RASA1: variants seen among roughly 807,000 people sequenced by gnomAD.
RASA1 encodes ras GTPase-activating protein 1.
RASA1 carries 25 observed loss-of-function variants against 132.2 expected under a neutral mutation model. The observed-to-expected ratio is 0.19, with a 90% confidence interval of 0.14 to 0.26. The LOEUF is 0.26. Among genes scored for constraint, RASA1 ranks in the 10% least tolerant of loss-of-function variants. The probability of loss-of-function intolerance (pLI) is 1.00; values close to 1 mark genes in which losing one functional copy is unlikely to be tolerated. For missense variants in RASA1, 964 were observed against 1,299.2 expected (o/e 0.74, Z 3.97); for synonymous variants, 477 against 449.9 (o/e 1.06, Z -0.76).
chr5:87,307,385 C>G lies in RASA1; in HGVS notation c.540-23963C>G, dbSNP rs542683983. ...CTGAGGCAGGAGAATGGCGTCAACC[C>G]GGGAGGCGGAGCTTGCAGTGAGCCG... On this transcript the variant is annotated intron_variant, in intron 1 of 24. Transcript: ENST00000274376. Among the ~76,000 whole-genome samples, 10 of 152,040 alleles carry G rather than the reference C, an allele frequency of 6.6e-5. No homozygotes were observed. In the East Asian group the frequency reaches 1.5e-3, roughly 24 times the overall value.
intron 17 of RASA1, 36 bp downstream of exon 17, chr5:87,377,076 TG>T: frequency 6.3e-7 from 1 of 1,586,684 alleles, no homozygotes. Context: ...TACAAGAAAC[TG>T]GGTTTAGATT....
At chr5:87,269,136 A>C in intron 1 of RASA1, 146 bp downstream of exon 1, 1 of 1,613,366 alleles carries the variant, frequency 6.2e-7, no homozygotes, top group South Asian at 1.1e-5. Flanking sequence ...TAGGAATTTA[A>C]TCTGATCACT....
At chr5:87,384,750 AG>A (rs918242296) in intron 21 of RASA1, among the ~76,000 whole-genome samples, 3 of 152,168 alleles carry the variant, frequency 2.0e-5, no homozygotes, top group African/African-American at 7.2e-5. Flanking sequence ...TGTGTTCCAC[AG>A]GGAAGTGCTT....
At chr5:87,346,347 A>G (rs889953779) in intron 6 of RASA1, among the ~76,000 whole-genome samples, 1 of 151,460 alleles carries the variant, frequency 6.6e-6, no homozygotes, top group Non-Finnish European at 1.5e-5. Flanking sequence ...TATCTGTACT[A>G]CTCCTCCTTC....
At position 87,391,068 on chromosome 5, in the gene RASA1, A is replaced by G. The variant is rs2112531228; in HGVS notation, c.*185A>G. ...AACTATGCCAGCAACCTTGTAAGCT[A>G]TCTGTGCAGGATATTTGCACTATTT... On this transcript the variant is annotated 3_prime_UTR_variant, in exon 25 of 25. Coordinates refer to ENST00000274376, the MANE Select transcript of RASA1 (RefSeq NM_002890.3). 1 of 684,682 alleles carries G rather than the reference A, an allele frequency of 1.5e-6. No individual in the cohort carries two copies. Among genetic ancestry groups the G allele is most frequent in the South Asian group, 1.6e-5 (1 of 60,696 alleles). 42.4% of individuals were successfully genotyped at this position (684,682 alleles called of 1,614,324 possible).
At chr5:87,324,664 C>A (rs1161448019) in intron 1 of RASA1, among the ~76,000 whole-genome samples, 1 of 152,154 alleles carries the variant, frequency 6.6e-6, no homozygotes, top group African/African-American at 2.4e-5. Context: ...TGCACACACA[C>A]ATACATATGC....
intron 6 of RASA1, among the ~76,000 whole-genome samples, chr5:87,345,832 TC>T (rs890034810): frequency 1.3e-5 from 2 of 152,046 alleles, no homozygotes; most frequent in African/African-American, 4.8e-5. Flanking sequence ...CCTAAGAAGA[TC>T]CCACAAAGTA....
chr5:87,363,462 G>A lies in RASA1; in HGVS notation c.1568G>A (p.Ser523Asn). 4 of 1,612,610 alleles carry A rather than the reference G, an allele frequency of 2.5e-6. No individual in the cohort carries two copies. Among genetic ancestry groups the A allele is most frequent in the Non-Finnish European group, 3.4e-6 (4 of 1,178,908 alleles). The change falls in exon 11 of 25, where the codon AGT becomes AAT. Residue 523 changes from serine to asparagine, a missense_variant. Ser to Asn is a conservative substitution (Grantham distance 46, BLOSUM62 1). Around this residue, in one of 6 missense-constraint regions of RASA1, gnomAD observed 346 missense variants for 520.1 expected, o/e 0.67. Coordinates refer to ENST00000274376, the MANE Select transcript of RASA1 (RefSeq NM_002890.3). ...AAACCAAAAGGATTAATAGATCTCA[G>A]TGTATGTTCTGTCTATGTCGTTCAT... is the stretch of plus-strand genomic sequence containing the variant. Reference protein sequence around the residue: ...ATKPKGLIDLSVCSVYVVHDS... With the variant: ...ATKPKGLIDLNVCSVYVVHDS...
rs1180493926 is a variant in RASA1 at position 87,332,567 on chromosome 5, C to A, written c.753C>A (p.Asp251Glu). The change falls in exon 3 of 25, where the codon GAC becomes GAA. Residue 251 changes from aspartate to glutamate, a missense_variant. Physicochemically the swap from Asp to Glu is conservative, Grantham distance 45. Transcript: ENST00000274376. ...IGGRRFSSLS[D>E]LIGYYSHVSC... ...GAAGACGTTTTTCTTCACTGTCAGA[C>A]CTAATAGGTTATTACAGTCATGTTT... 4.4e-6 allele frequency: 7 copies of A among 1,607,236 alleles called. No homozygotes were observed. Among genetic ancestry groups the A allele is most frequent in the Non-Finnish European group, 6.0e-6 (7 of 1,174,374 alleles).
At chr5:87,325,205 G>C (rs377576929) in intron 1 of RASA1, among the ~76,000 whole-genome samples, 2 of 152,250 alleles carry the variant, frequency 1.3e-5, no homozygotes, top group African/African-American at 4.8e-5. Context: ...ATTAGATCTC[G>C]TGAGAACTCA....
At chr5:87,385,860 T>C (rs1232862930) in intron 22 of RASA1, among the ~76,000 whole-genome samples, 1 of 152,076 alleles carries the variant, frequency 6.6e-6, no homozygotes, top group Non-Finnish European at 1.5e-5. Flanking sequence ...TATGTGGAAA[T>C]AGATAACTCT....
At chr5:87,380,227 A>G (rs1484783862) in intron 19 of RASA1, among the ~76,000 whole-genome samples, 3 of 152,144 alleles carry the variant, frequency 2.0e-5, no homozygotes, top group African/African-American at 7.2e-5. Flanking sequence ...GTAGAAGTTA[A>G]CTTAAGTCTA....
Position 87,333,439 on chromosome 5 carries a change from A to G in RASA1, c.899+102A>G, listed in dbSNP as rs543041747. On this transcript the variant is annotated intron_variant, in intron 4 of 24. Transcript: ENST00000274376. ...AGCTTTTGAAATTTGAAGAAATGGCATACAGCAAGGTGAAAGAGCTTTTGA... is the reference window on the plus strand; with the variant it reads ...AGCTTTTGAAATTTGAAGAAATGGCGTACAGCAAGGTGAAAGAGCTTTTGA... 1.7e-5 allele frequency: 26 copies of G among 1,535,194 alleles called. No individual in the cohort carries two copies. In the East Asian group the frequency reaches 4.7e-4, roughly 28 times the overall value.
chr5:87,306,968 C>T (rs1218408237), intron 1 of RASA1, among the ~76,000 whole-genome samples: 1 of 152,178 alleles, frequency 6.6e-6, no homozygotes, highest in Non-Finnish European at 1.5e-5. Flanking sequence ...AAGCAGTCCT[C>T]TTGCCTCAGC....
At chr5:87,309,928 A>C (rs1755795227) in intron 1 of RASA1, among the ~76,000 whole-genome samples, 1 of 152,056 alleles carries the variant, frequency 6.6e-6, no homozygotes, top group Non-Finnish European at 1.5e-5. Flanking sequence ...TTATACATTA[A>C]ATTTTTATAT....
At chr5:87,292,259 TTTC>T (rs1378517830) in intron 1 of RASA1, among the ~76,000 whole-genome samples, 1 of 152,098 alleles carries the variant, frequency 6.6e-6, no homozygotes, top group Admixed American at 6.5e-5. Context: ...GTCATTAGAT[TTTC>T]TTTTTTGTTA....
intron 9 of RASA1, among the ~76,000 whole-genome samples, chr5:87,358,072 T>C (rs1759788652): frequency 6.6e-6 from 1 of 152,162 alleles, no homozygotes. Flanking sequence ...TACTATCTTT[T>C]TACTAATCGC....
chr5:87,296,777 T>G (rs971450841), intron 1 of RASA1, among the ~76,000 whole-genome samples: 1 of 152,130 alleles, frequency 6.6e-6, no homozygotes, highest in Non-Finnish European at 1.5e-5. Flanking sequence ...TTTTAAAAAT[T>G]ATTTTTAGGT....
intron 16 of RASA1, 24 bp from the exon 17 acceptor site, chr5:87,376,857 C>G: frequency 6.4e-7 from 1 of 1,569,586 alleles, no homozygotes; most frequent in South Asian, 1.1e-5. Flanking sequence ...GTACTTTAAA[C>G]AATCTTTTAA....
Sources: allele counts gnomAD v4.1 joint callset (sites outside exome capture counted in the v4.1 genomes callset), GRCh38; gene constraint gnomAD v4.1.1; regional missense constraint gnomAD v4.1.1; transcripts MANE v1.5; gene names NCBI Gene and HGNC (gene_info 2026-07-23, HGNC 2026-07-21).